DIP2C: variants seen among roughly 807,000 people sequenced by gnomAD.
DIP2C encodes the protein disco-interacting protein 2 homolog C.
DIP2C carries 33 observed loss-of-function variants against 192.4 expected under a neutral mutation model. That is an observed-to-expected ratio of 0.17 (90% CI 0.13 to 0.23). The LOEUF is 0.23. Among genes scored for constraint, DIP2C ranks in the 10% least tolerant of loss-of-function variants. The pLI is 1.00. For missense variants in DIP2C, 1,537 were observed against 2,110.1 expected (o/e 0.73, Z 5.32); for synonymous variants, 979 against 864.1 (o/e 1.13, Z -2.33).
chr10:681,466 G>A (rs990625037), intron 1 of DIP2C, among the ~76,000 whole-genome samples: 2 of 150,898 alleles, frequency 1.3e-5, no homozygotes, highest in Admixed American at 6.6e-5. Context: ...AGAAATTCCA[G>A]GGAACATAGA....
intron 34 of DIP2C, among the ~76,000 whole-genome samples, chr10:286,013 TG>T (rs1955101957): frequency 6.6e-6 from 1 of 152,244 alleles, no homozygotes. Context: ...ATACACATTA[TG>T]TGTTTAAATC....
intron 1 of DIP2C, among the ~76,000 whole-genome samples, chr10:646,143 C>T (rs750473964): frequency 5.9e-5 from 9 of 152,178 alleles, no homozygotes; most frequent in Non-Finnish European, 1.0e-4. Context: ...CCTGGAGAAA[C>T]GCATGCTCGA....
rs77841988 is a variant in DIP2C, at chr10:420,259, C to T, written c.605-1060G>A. ...ACAGAAGATCGAGGCACAGAAGAGG[C>T]CGTGACAGGACGCTGCTTTGTGATC... On this transcript the variant is annotated intron_variant, in intron 5 of 36. Coordinates refer to ENST00000280886, the MANE Select transcript of DIP2C (RefSeq NM_014974.3). 6.0e-3 allele frequency among the ~76,000 whole-genome samples: 913 copies of T among 152,362 alleles called. 3 individuals carry two copies. Among genetic ancestry groups the T allele is most frequent in the East Asian group, 0.014 (70 of 5,178 alleles).
rs1193623834 is a variant in DIP2C at position 363,432 on chromosome 10, A to G, written c.2478-121T>C. ...ACACAGCTCCAACTACGACTTCAAA[A>G]CGGCCGCTGTACTTCCGAATTTCCC... On this transcript the variant is annotated intron_variant, in intron 20 of 36. Coordinates refer to ENST00000280886, the MANE Select transcript of DIP2C (RefSeq NM_014974.3). This position sits in a 1 kb window ranked among gnomAD's most constrained non-coding sequence, Gnocchi z 5.4. The G allele has an allele frequency of 2.5e-6, 2 of 786,186 alleles. No homozygotes were observed. Among genetic ancestry groups the G allele is most frequent in the East Asian group, 5.4e-5 (2 of 37,270 alleles). 48.7% of individuals were successfully genotyped at this position (786,186 alleles called of 1,614,324 possible).
At chr10:424,731 T>A (rs899196152) in intron 4 of DIP2C, among the ~76,000 whole-genome samples, 2 of 152,202 alleles carry the variant, frequency 1.3e-5, no homozygotes, top group African/African-American at 4.8e-5. Context: ...TTGAGACTTT[T>A]GAGAAAGGTA....
chr10:295,510 G>A (rs558483025), intron 32 of DIP2C, among the ~76,000 whole-genome samples: 3 of 136,296 alleles, frequency 2.2e-5, no homozygotes, highest in South Asian at 2.4e-4. Flanking sequence ...GCAGTGAGCC[G>A]AGATAGCGCC....
chr10:617,662 C>A (rs1037686893), intron 1 of DIP2C, among the ~76,000 whole-genome samples: 10 of 150,482 alleles, frequency 6.6e-5, no homozygotes, highest in African/African-American at 1.5e-4. Flanking sequence ...ACCACCCCCC[C>A]ACCCCCACCC....
At chr10:522,141 T>A (rs12359454) in intron 1 of DIP2C, among the ~76,000 whole-genome samples, 1 of 151,682 alleles carries the variant, frequency 6.6e-6, no homozygotes, top group Non-Finnish European at 1.5e-5. Flanking sequence ...GTCTCTGCAG[T>A]TGTGCCTTTT....
intron 2 of DIP2C, among the ~76,000 whole-genome samples, chr10:485,110 C>T (rs1453213234): frequency 6.6e-6 from 1 of 152,268 alleles, no homozygotes; most frequent in Non-Finnish European, 1.5e-5. Context: ...GCCAGGGCCA[C>T]CGCGGGAGGC....
chr10:645,660 A>G (rs929050896), intron 1 of DIP2C, among the ~76,000 whole-genome samples: 12 of 152,240 alleles, frequency 7.9e-5, no homozygotes, highest in African/African-American at 2.9e-4. Context: ...AGGTGCTTTT[A>G]AAGTCACTGT....
intron 1 of DIP2C, among the ~76,000 whole-genome samples, chr10:572,918 A>C (rs1849915451): frequency 6.6e-6 from 1 of 152,136 alleles, no homozygotes. Context: ...GCCATCTCGC[A>C]GAGAGAGACT....
At chr10:575,012 G>T (rs1850064136) in intron 1 of DIP2C, among the ~76,000 whole-genome samples, 2 of 152,132 alleles carry the variant, frequency 1.3e-5, no homozygotes, top group South Asian at 4.2e-4. Flanking sequence ...ACCCACGAAA[G>T]GCCTAGGAGA....
At position 341,249 on chromosome 10, in the gene DIP2C, G is replaced by C; in HGVS notation, c.3534C>G (p.Ile1178Met). Residue 1178 changes from isoleucine (I) to methionine (M), a missense_variant, in exon 29 of 37, where the codon ATC becomes ATG. By Grantham distance (10) the Ile-to-Met change is conservative (BLOSUM62 1). Around this residue, in one of 4 missense-constraint regions of DIP2C, gnomAD observed 341 missense variants for 551.7 expected, o/e 0.62. Transcript: ENST00000280886. ...CELYPSREVA[I>M]CLDPYCGLGF... is the part of the protein sequence containing the mutation. ...CCAGTCCACAGTAAGGGTCCAGGCA[G>C]ATGGCCACTTCTCTAGAGGGGTAAA... The C allele has an allele frequency of 6.2e-7, 1 of 1,614,214 alleles. No individual in the cohort carries two copies. Among genetic ancestry groups the C allele is most frequent in the Non-Finnish European group, 8.5e-7 (1 of 1,180,040 alleles).
chr10:308,360 TC>T (rs1956421323), intron 32 of DIP2C, among the ~76,000 whole-genome samples: 1 of 151,862 alleles, frequency 6.6e-6, no homozygotes, highest in Non-Finnish European at 1.5e-5. Context: ...TACTCTCACT[TC>T]CATTTCAGAT....
Position 424,355 on chromosome 10 carries a change from G to GTTTTTTTTTTTTTT in DIP2C, c.395-1336_395-1323dup, listed in dbSNP as rs557255878. Among the ~76,000 whole-genome samples, 233 of 83,122 alleles carry GTTTTTTTTTTTTTT rather than the reference G, an allele frequency of 2.8e-3. 9 individuals carry two copies. The highest frequency in any genetic ancestry group is 0.01 in the African/African-American group (227 of 22,148). 54.5% of individuals were successfully genotyped at this position (83,122 alleles called of 152,430 possible). A position where few individuals can be genotyped will look rare whatever the true frequency, so the allele number is the denominator to read the frequency against. Reference sequence around the variant, plus strand: ...GCCTGAAAATTCTCTATCACCTTGGGTTTTTTTTTTTTTTTTTTTTTTTTT... The same window carrying GTTTTTTTTTTTTTT: ...GCCTGAAAATTCTCTATCACCTTGGGTTTTTTTTTTTTTTTTTTTTTTTTTTTTTTTTTTTTTTT... On this transcript the variant is annotated intron_variant, in intron 4 of 36. Coordinates refer to ENST00000280886, the MANE Select transcript of DIP2C (RefSeq NM_014974.3).
At chr10:681,885 G>A (rs1005328198) in intron 1 of DIP2C, among the ~76,000 whole-genome samples, 3 of 152,242 alleles carry the variant, frequency 2.0e-5, no homozygotes, top group African/African-American at 7.2e-5. Context: ...TTCGGCAACT[G>A]TGCCTGTGGA....
chr10:541,872 C>T (rs1346404490), intron 1 of DIP2C, among the ~76,000 whole-genome samples: 1 of 152,184 alleles, frequency 6.6e-6, no homozygotes, highest in Non-Finnish European at 1.5e-5. Flanking sequence ...ACCTGTCTCT[C>T]GGCCCCCCTC....
intron 1 of DIP2C, among the ~76,000 whole-genome samples, chr10:541,047 TGCTGGGGAGCCACAACACCC>T: frequency 1.0e-5 from 1 of 98,436 alleles, no homozygotes; most frequent in Middle Eastern, 5.2e-3. Flanking sequence ...CAACACCCGA[TGCTGGGGAGCCACAACACCC>T]GATGCTGGGG....
intron 3 of DIP2C, among the ~76,000 whole-genome samples, chr10:470,244 T>C (rs745837714): frequency 2.0e-5 from 3 of 152,116 alleles, no homozygotes; most frequent in African/African-American, 4.8e-5. Flanking sequence ...TGAGTCAGGA[T>C]GGGGAACGGG....
Sources: allele counts gnomAD v4.1 joint callset (sites outside exome capture counted in the v4.1 genomes callset), GRCh38; gene constraint gnomAD v4.1.1; regional missense constraint gnomAD v4.1.1; non-coding constraint Gnocchi (gnomAD v3.1); transcripts MANE v1.5; gene names NCBI Gene and HGNC (gene_info 2026-07-23, HGNC 2026-07-21).